The following GRID2 variants were observed in gnomAD, a reference collection of about 807,000 sequenced individuals.
GRID2 encodes glutamate receptor ionotropic, delta-2.
Under a neutral mutation model 114.8 loss-of-function variants are expected in GRID2, and 33 were observed. That is an observed-to-expected ratio of 0.29 (90% CI 0.22 to 0.38). The LOEUF (loss-of-function observed/expected upper bound fraction) is 0.38, where lower values mean the gene tolerates loss of function less well. Among genes scored for constraint, GRID2 ranks in the 10% least tolerant of loss-of-function variants. GRID2 has a pLI of 1.00. For synonymous variants in GRID2, 505 were observed against 449.9 expected (o/e 1.12, Z -1.55); for missense variants, 1,184 against 1,257.7 (o/e 0.94, Z 0.89).
intron 2 of GRID2, among the ~76,000 whole-genome samples, chr4:92,608,340 T>G (rs748886414): frequency 6.6e-6 from 1 of 151,826 alleles, no homozygotes; most frequent in Non-Finnish European, 1.5e-5. Context: ...TACCAAAGTC[T>G]TATTATTTCT....
chr4:92,962,110 T>A (rs1752860364), intron 2 of GRID2, among the ~76,000 whole-genome samples: 1 of 151,976 alleles, frequency 6.6e-6, no homozygotes, highest in Non-Finnish European at 1.5e-5. Flanking sequence ...GCATATAAAC[T>A]GTAGCTTTAA....
chr4:93,329,211 G>A (rs1758175452), intron 8 of GRID2, among the ~76,000 whole-genome samples: 1 of 152,066 alleles, frequency 6.6e-6, no homozygotes, highest in Non-Finnish European at 1.5e-5. Flanking sequence ...AGTCAAATAA[G>A]ATAATGTCTC....
chr4:92,382,263 C>T (rs1413548529), intron 1 of GRID2, among the ~76,000 whole-genome samples: 2 of 151,798 alleles, frequency 1.3e-5, no homozygotes, highest in African/African-American at 4.8e-5. Flanking sequence ...ATAGATATAG[C>T]TATATCCATG....
At chr4:92,901,117 G>C (rs1747553775) in intron 2 of GRID2, among the ~76,000 whole-genome samples, 2 of 152,070 alleles carry the variant, frequency 1.3e-5, no homozygotes, top group Non-Finnish European at 2.9e-5. Flanking sequence ...GGATTGAATG[G>C]TAGTTCTATC....
At chr4:93,788,482 T>G (rs1033830525) in intron 1 of GRID2, among the ~76,000 whole-genome samples, 8 of 152,162 alleles carry the variant, frequency 5.3e-5, no homozygotes, top group Admixed American at 3.9e-4. Context: ...ACAATGTGAG[T>G]ATATATATAC....
At chr4:93,496,725 C>T (rs909471068) in intron 12 of GRID2, among the ~76,000 whole-genome samples, 4 of 151,780 alleles carry the variant, frequency 2.6e-5, no homozygotes, top group Non-Finnish European at 5.9e-5. Context: ...CTTTTTATTG[C>T]TAAGTAATAA....
At chr4:92,773,939 T>A (rs913344859) in intron 2 of GRID2, among the ~76,000 whole-genome samples, 2 of 152,170 alleles carry the variant, frequency 1.3e-5, no homozygotes, top group Non-Finnish European at 2.9e-5. Context: ...CTACATTCCA[T>A]ATGCTTTTAA....
chr4:92,383,597 ATAG>A (rs1729722973), intron 1 of GRID2, among the ~76,000 whole-genome samples: 1 of 151,888 alleles, frequency 6.6e-6, no homozygotes, highest in Non-Finnish European at 1.5e-5. Flanking sequence ...TCTAAATAAC[ATAG>A]TATGTTTTCG....
rs998838591 is a variant in GRID2 at position 93,700,684 on chromosome 4, A to G, written c.2361-68526A>G. ...TATCTGAGGGTTCAGCACATCATCT[A>G]AGGATATAAAGTAGTCTTGCTGCTT... On this transcript the variant is annotated intron_variant, in intron 14 of 15. Coordinates refer to ENST00000282020, the MANE Select transcript of GRID2 (RefSeq NM_001510.4). Among the ~76,000 whole-genome samples, 5 of 152,266 alleles carry G rather than the reference A, an allele frequency of 3.3e-5. No individual in the cohort carries two copies. In the South Asian group the frequency reaches 1.0e-3, roughly 32 times the overall value.
chr4:92,851,017 G>A (rs1261185649), intron 2 of GRID2, among the ~76,000 whole-genome samples: 2 of 151,860 alleles, frequency 1.3e-5, no homozygotes, highest in Admixed American at 6.6e-5. Flanking sequence ...CAGCAAACAT[G>A]ATCATTTAAT....
chr4:93,590,034 C>T (rs978545282), intron 13 of GRID2, among the ~76,000 whole-genome samples: 70 of 150,496 alleles, frequency 4.7e-4, no homozygotes, highest in African/African-American at 1.5e-3. Flanking sequence ...GTTTCTTTTG[C>T]TGTGCAGAAG....
chr4:93,313,236 T>C (rs2149192250), intron 8 of GRID2, among the ~76,000 whole-genome samples: 1 of 152,266 alleles, frequency 6.6e-6, no homozygotes, highest in Admixed American at 6.5e-5. Flanking sequence ...ACTATACAGC[T>C]TTCAAAAGGG....
intron 14 of GRID2, among the ~76,000 whole-genome samples, chr4:93,767,517 G>A (rs1733766531): frequency 6.6e-6 from 1 of 152,130 alleles, no homozygotes. Context: ...CAGGTTGTGG[G>A]GGAGGTTTCA....
At chr4:92,559,461 T>A (rs1727013700) in intron 1 of GRID2, among the ~76,000 whole-genome samples, 1 of 152,174 alleles carries the variant, frequency 6.6e-6, no homozygotes, top group African/African-American at 2.4e-5. Flanking sequence ...AATGAGTACT[T>A]CCTTTGAGCA....
intron 14 of GRID2, among the ~76,000 whole-genome samples, chr4:93,648,140 A>G (rs1309240706): frequency 6.6e-6 from 1 of 152,184 alleles, no homozygotes; most frequent in Non-Finnish European, 1.5e-5. Flanking sequence ...CTCAACTGGA[A>G]AATTATAAAC....
intron 2 of GRID2, among the ~76,000 whole-genome samples, chr4:92,916,947 C>T (rs1471025371): frequency 6.6e-6 from 1 of 152,168 alleles, no homozygotes; most frequent in Non-Finnish European, 1.5e-5. Flanking sequence ...CACTGACTTC[C>T]ACAATGGTTG....
At chr4:93,743,971 C>T (rs1218959201) in intron 14 of GRID2, among the ~76,000 whole-genome samples, 6 of 152,114 alleles carry the variant, frequency 3.9e-5, no homozygotes, top group Admixed American at 2.0e-4. Flanking sequence ...TTTACCATTC[C>T]AAAAGTCCTT....
chr4:93,536,828 T>C (rs775604407), intron 13 of GRID2, among the ~76,000 whole-genome samples: 5 of 151,726 alleles, frequency 3.3e-5, no homozygotes, highest in African/African-American at 4.8e-5. Context: ...TTTTCCAACA[T>C]AATTCAGTCA....
rs117980921 is a variant in GRID2 at position 93,014,239 on chromosome 4, G to T, written c.245-70756G>T. On this transcript the variant is annotated intron_variant, in intron 2 of 15. Transcript: ENST00000282020. Reference sequence around the variant, plus strand: ...TTTCTCAAGTTTCTGGAAACTGCATGCCTGATCACCACCCAGAAGCCCTAC... The same window carrying T: ...TTTCTCAAGTTTCTGGAAACTGCATTCCTGATCACCACCCAGAAGCCCTAC... Among the ~76,000 whole-genome samples the T allele has an allele frequency of 1.1e-4, 17 of 152,078 alleles. No individual in the cohort carries two copies. The East Asian group carries it at 3.1e-3, about 28-fold the overall frequency.
Sources: allele counts gnomAD v4.1 joint callset (sites outside exome capture counted in the v4.1 genomes callset), GRCh38; gene constraint gnomAD v4.1.1; transcripts MANE v1.5; gene names NCBI Gene and HGNC (gene_info 2026-07-23, HGNC 2026-07-21).